The following TLN1 variants were observed in gnomAD, a reference collection of about 807,000 sequenced individuals.
TLN1 encodes the protein talin-1.
Under a neutral mutation model 292.3 loss-of-function variants are expected in TLN1, and 56 were observed. That is an observed-to-expected ratio of 0.19 (90% confidence interval 0.15 to 0.24). TLN1 has a LOEUF of 0.24. Ranked by LOEUF, TLN1 falls within the 10% of genes least tolerant of loss-of-function variation. The probability of loss-of-function intolerance (pLI) is 1.00; values close to 1 mark genes in which losing one functional copy is unlikely to be tolerated. For synonymous variants in TLN1, 1,119 were observed against 1,253.7 expected, an observed-to-expected ratio of 0.89 and a Z score of 2.27; for missense variants, 2,433 against 3,248.2, an observed-to-expected ratio of 0.75 and a Z score of 6.10.
rs2131893501 is a variant in TLN1 at position 35,712,096 on chromosome 9, T to C, written c.3590A>G (p.Asn1197Ser). The change falls in exon 28 of 57, where the codon AAC (asparagine) becomes AGC (serine). Residue 1197 changes from asparagine to serine, a missense_variant. Transcript: ENST00000314888. Reference protein sequence around the residue: ...QVAKAVTQALNRCVSCLPGQR... With the variant: ...QVAKAVTQALSRCVSCLPGQR... ...GCCAGGTAGGCAGCTGACACAGCGG[T>C]TCAGAGCCTGGGTCACTGCTTTAGC... 6.2e-7 allele frequency: 1 copy of C among 1,613,874 alleles called. No homozygotes were observed. The highest frequency in any genetic ancestry group is 2.2e-5 in the East Asian group (1 of 44,878).
rs1198082201 is a variant in TLN1, at chr9:35,719,107, T to A, written c.1863A>T (p.Glu621Asp). ...AAKGLAGAVS[E>D]LLRSAQPASA... ...TGGCTGGTTGGGCACTGCGCAGCAGTTCTGACACTGCTCCCGCAAGGCCCT... is the reference window on the plus strand; with the variant it reads ...TGGCTGGTTGGGCACTGCGCAGCAGATCTGACACTGCTCCCGCAAGGCCCT... Residue 621 changes from glutamate (E) to aspartate (D), a missense_variant, in exon 16 of 57, where the codon GAA (glutamate) becomes GAT (aspartate). By Grantham distance (45) the Glu-to-Asp change is conservative. This residue lies in a region of TLN1 where 617 missense variants were observed against 770.6 expected (regional missense o/e 0.80). Transcript: ENST00000314888. The surrounding 1 kb of genome is among the most constrained non-coding windows in gnomAD (Gnocchi z 4.6). The A allele has an allele frequency of 6.2e-7, 1 of 1,613,878 alleles. No homozygotes were observed. The highest frequency in any genetic ancestry group is 1.1e-5 in the South Asian group (1 of 91,068).
rs1825726063 is a variant in TLN1, at chr9:35,713,881, A to G, written c.3249+72T>C. 3 of 1,527,752 alleles carry G rather than the reference A, an allele frequency of 2.0e-6. No individual in the cohort carries two copies. In the Admixed American group the frequency reaches 5.8e-5, roughly 30 times the overall value. 94.6% of individuals were successfully genotyped at this position (1,527,752 alleles called of 1,614,324 possible). The stretch of plus-strand genomic sequence containing the variant: ...AAAAAGGAAGGAAGGAAAGGTTTTG[A>G]GCAGCTCTGGGGCACGGAGGTGAAG... On this transcript the variant is annotated intron_variant, in intron 25 of 56. Coordinates refer to ENST00000314888, the MANE Select transcript of TLN1 (RefSeq NM_006289.4).
At chr9:35,718,774 A>C (rs1384212741) in intron 17 of TLN1, 38 bp downstream of exon 17, 1 of 1,573,164 alleles carries the variant, frequency 6.4e-7, no homozygotes, top group Admixed American at 1.7e-5. Context: ...GTTACTTCCT[A>C]GATTCTGGGG....
At chr9:35,713,842 G>A in intron 25 of TLN1, 111 bp downstream of exon 25, 2 of 1,186,660 alleles carry the variant, frequency 1.7e-6, no homozygotes, top group Non-Finnish European at 2.3e-6. Flanking sequence ...ATAAAAGAGA[G>A]AAAGAGAAAA....
chr9:35,729,076 T>C (rs1470842484), intron 1 of TLN1, among the ~76,000 whole-genome samples: 1 of 152,260 alleles, frequency 6.6e-6, no homozygotes, highest in African/African-American at 2.4e-5. Flanking sequence ...TTATTGACTA[T>C]GTCACTTGCA....
At position 35,707,971 on chromosome 9, in the gene TLN1, G is replaced by A. The variant is rs115349863; in HGVS notation, c.4471-79C>T. The A allele has an allele frequency of 1.3e-6, 2 of 1,538,326 alleles. No individual in the cohort carries two copies. The highest frequency in any genetic ancestry group is 1.8e-6 in the Non-Finnish European group (2 of 1,125,418). ...CCAAGGAGGAGCCATTTTAGGGTCA[G>A]GGGATGGAGAGCAATACCCTGAGGA... On this transcript the variant is annotated intron_variant, in intron 34 of 56. Transcript: ENST00000314888. The surrounding 1 kb of genome is among the most constrained non-coding windows in gnomAD (Gnocchi z 5.6).
chr9:35,706,532 A>C lies in TLN1; in HGVS notation c.5108T>G (p.Leu1703Arg). ...ISQEALHTQMLTAVQEISHLI... is the reference protein window; with the variant it reads ...ISQEALHTQMRTAVQEISHLI... The stretch of plus-strand genomic sequence containing the variant: ...ATGGGAGATCTCTTGGACTGCAGTG[A>C]GCATCTGAGTGTGCAAGGCCTGGGG... The change falls in exon 39 of 57, where the codon CTC (leucine) becomes CGC (arginine). Residue 1703 changes from leucine (L) to arginine (R), a missense_variant. Transcript: ENST00000314888. The surrounding 1 kb of genome is among the most constrained non-coding windows in gnomAD (Gnocchi z 4.2). 6.2e-7 allele frequency: 1 copy of C among 1,614,054 alleles called. No homozygotes were observed. Among genetic ancestry groups the C allele is most frequent in the Non-Finnish European group, 8.5e-7 (1 of 1,180,018 alleles).
At chr9:35,703,721 G>C (rs1825508914) in intron 47 of TLN1, 45 bp from the exon 48 acceptor site, 2 of 1,614,066 alleles carry the variant, frequency 1.2e-6, no homozygotes, top group African/African-American at 2.7e-5. Flanking sequence ...TAAGGAACAG[G>C]AGGAAGTATG....
intron 17 of TLN1, among the ~76,000 whole-genome samples, chr9:35,718,609 T>C (rs1396255076): frequency 6.6e-6 from 1 of 152,018 alleles, no homozygotes; most frequent in Non-Finnish European, 1.5e-5. Context: ...AAGAGTAAAC[T>C]AGCAGGTTAA....
At chr9:35,726,923 C>T (rs1344961797) in intron 1 of TLN1, among the ~76,000 whole-genome samples, 1 of 152,232 alleles carries the variant, frequency 6.6e-6, no homozygotes, top group Non-Finnish European at 1.5e-5. Flanking sequence ...AGTCCTGCAA[C>T]TCCTCCCATG....
At position 35,717,438 on chromosome 9, in the gene TLN1, C is replaced by T; in HGVS notation, c.2166G>A (p.Val722=). 1.9e-6 allele frequency: 3 copies of T among 1,612,146 alleles called. No homozygotes were observed. Among genetic ancestry groups the T allele is most frequent in the Non-Finnish European group, 2.5e-6 (3 of 1,178,476 alleles). Residue 722 remains valine, a splice_region_variant and synonymous_variant, in exon 19 of 57, where the codon GTG becomes GTA. Transcript: ENST00000314888. This position sits in a 1 kb window ranked among gnomAD's most constrained non-coding sequence, Gnocchi z 4.7. ...STSQLVACTK[V]VAPTISSPVC... Reference sequence around the variant, plus strand: ...CAGGTGAGCTGATTGTAGGTGCCACCACCTGTAGGTAAAGTGAATGTCAGA... The same window carrying T: ...CAGGTGAGCTGATTGTAGGTGCCACTACCTGTAGGTAAAGTGAATGTCAGA...
Position 35,720,096 on chromosome 9 carries a change from G to C in TLN1, c.1407C>G (p.Pro469=), listed in dbSNP as rs1050567279. 6.2e-7 allele frequency: 1 copy of C among 1,610,604 alleles called. No homozygotes were observed. The highest frequency in any genetic ancestry group is 8.5e-7 in the Non-Finnish European group (1 of 1,178,376). Residue 469 remains proline, a synonymous_variant, in exon 13 of 57, where the codon CCC becomes CCG. Transcript: ENST00000314888. ...CGCTGGTAATCTGCTGCTGGGCAGG[G>C]GGCATGCTGCCCACCTGGAAATTCT... ...GPENFQVGSM[P]PAQQQITSGQ...
chr9:35,706,787 C>T lies in TLN1; in HGVS notation c.5069G>A (p.Arg1690His), dbSNP rs760206039. The T allele has an allele frequency of 2.3e-5, 37 of 1,613,884 alleles. No homozygotes were observed. The highest frequency in any genetic ancestry group is 2.1e-4 in the South Asian group (19 of 91,078). ...LAAVSQQLAP[R>H]EGISQEALHT... ...TCTCACCTCTTGAGAGATTCCCTCACGGGGAGCAAGCTGCTGGCTGACTGC... is the reference window on the plus strand; with the variant it reads ...TCTCACCTCTTGAGAGATTCCCTCATGGGGAGCAAGCTGCTGGCTGACTGC... The change falls in exon 38 of 57, where the codon CGT becomes CAT. Residue 1690 changes from arginine (R) to histidine (H), a missense_variant. By Grantham distance (29) the Arg-to-His change is conservative. This residue lies in a region of TLN1 where 1,384 missense variants were observed against 1,699.6 expected (regional missense o/e 0.81). Coordinates refer to ENST00000314888, the MANE Select transcript of TLN1 (RefSeq NM_006289.4). This position sits in a 1 kb window ranked among gnomAD's most constrained non-coding sequence, Gnocchi z 4.2.
rs1223019188 is a variant in TLN1 at position 35,714,756 on chromosome 9, T to C, written c.2871+4A>G. The C allele has an allele frequency of 6.2e-7, 1 of 1,603,074 alleles. No homozygotes were observed. The highest frequency in any genetic ancestry group is 8.5e-7 in the Non-Finnish European group (1 of 1,173,678). ...CCACTCCCACATCCTTCCTAGAGTC[T>C]TACCTTGCAGCTCTGCACCAGCAGG... On this transcript the variant is annotated splice_donor_region_variant and intron_variant, in intron 22 of 56. Coordinates refer to ENST00000314888, the MANE Select transcript of TLN1 (RefSeq NM_006289.4). This position sits in a 1 kb window ranked among gnomAD's most constrained non-coding sequence, Gnocchi z 4.6.
Position 35,708,503 on chromosome 9 carries a change from G to A in TLN1, c.4327-19C>T, listed in dbSNP as rs1163108061. On this transcript the variant is annotated intron_variant, in intron 33 of 56. Coordinates refer to ENST00000314888, the MANE Select transcript of TLN1 (RefSeq NM_006289.4). ...ATGCAGCCTGGGAAGAGAAAAGGGGGTGGGGGTGAGGAATAAAGATTGCAG... is the reference window on the plus strand; with the variant it reads ...ATGCAGCCTGGGAAGAGAAAAGGGGATGGGGGTGAGGAATAAAGATTGCAG... 6 of 1,544,946 alleles carry A rather than the reference G, an allele frequency of 3.9e-6. No homozygotes were observed. The highest frequency in any genetic ancestry group is 5.3e-6 in the Non-Finnish European group (6 of 1,139,924).
rs374412233 is a variant in TLN1, at chr9:35,719,044, C to G, written c.1896+30G>C. 3 of 1,602,510 alleles carry G rather than the reference C, an allele frequency of 1.9e-6. No homozygotes were observed. Among genetic ancestry groups the G allele is most frequent in the Non-Finnish European group, 2.6e-6 (3 of 1,172,890 alleles). ...TTCTCCTTGGGCTTGAACCCTGTCT[C>G]CACCCTAACCCAAACCTGTGGCCCC... On this transcript the variant is annotated intron_variant, in intron 16 of 56. Transcript: ENST00000314888. The surrounding 1 kb of genome is among the most constrained non-coding windows in gnomAD (Gnocchi z 4.6).
intron 56 of TLN1, 38 bp from the exon 57 acceptor site, chr9:35,697,954 G>A (rs1196487746): frequency 6.2e-7 from 1 of 1,613,850 alleles, no homozygotes; most frequent in African/African-American, 1.3e-5. Flanking sequence ...CAGTGAGGAT[G>A]CACAGCAGGG....
At chr9:35,708,251 C>A in intron 34 of TLN1, 90 bp downstream of exon 34, 1 of 1,461,866 alleles carries the variant, frequency 6.8e-7, no homozygotes, top group Non-Finnish European at 9.1e-7. Context: ...GGTCCCTGCC[C>A]TCTTTCCCAC....
chr9:35,728,545 C>T (rs968917385), intron 1 of TLN1, among the ~76,000 whole-genome samples: 88 of 152,146 alleles, frequency 5.8e-4, no homozygotes, highest in African/African-American at 2.0e-3. Flanking sequence ...CCCAGATGCA[C>T]CCCAGCCTAG....
Sources: gnomAD v4.1 joint callset for allele counts (sites outside exome capture counted in the v4.1 genomes callset) on GRCh38, gnomAD v4.1.1 for gene constraint, gnomAD v4.1.1 regional missense constraint, Gnocchi (gnomAD v3.1) non-coding constraint, MANE v1.5 for transcripts, NCBI Gene and HGNC (gene_info 2026-07-23, HGNC 2026-07-21) for gene names.